Variants in CENPW observed in about 807,000 individuals in gnomAD.
CENPW encodes the protein cancer-up-regulated gene 2 protein.
In CENPW, 3 loss-of-function variants were observed where a neutral mutation model predicts 11.1. The ratio of observed to expected loss-of-function variants is 0.27; its 90% CI spans 0.12 to 0.70. The LOEUF is 0.70. Among genes scored for constraint, CENPW ranks in the 30% least tolerant of loss-of-function variants. The probability of loss-of-function intolerance (pLI) is 0.77; values close to 1 mark genes in which losing one functional copy is unlikely to be tolerated. For missense variants in CENPW, 100 were observed against 105.6 expected (o/e 0.95, Z 0.23); for synonymous variants, 38 against 42.0 (o/e 0.91, Z 0.37).
At chr6:126,468,602 A>T in the CENPW span, among the ~76,000 whole-genome samples, 1 of 151,990 alleles carries the variant, frequency 6.6e-6, no homozygotes, top group African/African-American at 2.4e-5. Context: ...TAAAAATACC[A>T]AACTAATGTA....
the CENPW span, among the ~76,000 whole-genome samples, chr6:126,366,595 TATATATC>T: frequency 5.9e-5 from 9 of 152,318 alleles, no homozygotes; most frequent in South Asian, 4.1e-4. Flanking sequence ...AATTTTAAAA[TATATATC>T]ATATACTCAA....
Position 126,348,622 on chromosome 6 carries a change from A to AT in CENPW, c.*138dup. ...GGCTATAAGTGATGTGTGTGTTTGT[A>AT]TTTTTTTTCTGGCATGAAATATCTC... On this transcript the variant is annotated 3_prime_UTR_variant, in exon 3 of 3. Transcript: ENST00000368328. 48 of 577,226 alleles carry AT rather than the reference A, an allele frequency of 8.3e-5. No homozygotes were observed. The highest frequency in any genetic ancestry group is 1.4e-4 in the South Asian group (6 of 42,526). 35.8% of individuals were successfully genotyped at this position (577,226 alleles called of 1,614,324 possible). A position where few individuals can be genotyped will look rare whatever the true frequency, so the allele number is the denominator to read the frequency against.
At chr6:126,437,584 G>A in the CENPW span, among the ~76,000 whole-genome samples, 1 of 152,024 alleles carries the variant, frequency 6.6e-6, no homozygotes, top group Non-Finnish European at 1.5e-5. Flanking sequence ...ATGGAAATAA[G>A]TTTATATACT....
chr6:126,403,233 T>G, the CENPW span, among the ~76,000 whole-genome samples: 1 of 152,140 alleles, frequency 6.6e-6, no homozygotes, highest in African/African-American at 2.4e-5. Flanking sequence ...TTAATAACTT[T>G]TCAGTGGGCT....
At chr6:126,386,828 T>C in the CENPW span, among the ~76,000 whole-genome samples, 11 of 151,986 alleles carry the variant, frequency 7.2e-5, no homozygotes, top group African/African-American at 2.7e-4. Context: ...ATATATTTTA[T>C]CTTGATAAGT....
downstream of CENPW, among the ~76,000 whole-genome samples, chr6:126,352,190 G>T (rs1409728736): frequency 6.6e-6 from 1 of 152,078 alleles, no homozygotes; most frequent in Non-Finnish European, 1.5e-5. Flanking sequence ...CTTATCTGTG[G>T]CTGTTTTCTT....
the CENPW span, among the ~76,000 whole-genome samples, chr6:126,411,189 G>A: frequency 7.2e-5 from 11 of 152,178 alleles, no homozygotes; most frequent in Non-Finnish European, 1.0e-4. Context: ...GGAGGGGTAT[G>A]GGGACTCTGT....
the CENPW span, among the ~76,000 whole-genome samples, chr6:126,359,841 G>C: frequency 9.2e-5 from 14 of 151,464 alleles, no homozygotes; most frequent in African/African-American, 3.4e-4. Flanking sequence ...TGTGAGATGG[G>C]CCTCTTGAAG....
At chr6:126,342,427 CTG>C (rs898476849) in intron 1 of CENPW, among the ~76,000 whole-genome samples, 2 of 152,184 alleles carry the variant, frequency 1.3e-5, no homozygotes, top group African/African-American at 4.8e-5. Context: ...ACTCTTAACA[CTG>C]TTGTCTAGGA....
At chr6:126,363,055 G>A in the CENPW span, among the ~76,000 whole-genome samples, 4 of 152,136 alleles carry the variant, frequency 2.6e-5, no homozygotes, top group African/African-American at 9.7e-5. Flanking sequence ...ATTATTTGTG[G>A]ATTAACAGCC....
At chr6:126,383,430 C>T in the CENPW span, among the ~76,000 whole-genome samples, 3 of 152,044 alleles carry the variant, frequency 2.0e-5, no homozygotes, top group African/African-American at 7.2e-5. Flanking sequence ...CCAATACTAA[C>T]CTTGAGTATA....
chr6:126,349,226 A>G (rs779575835), downstream of CENPW, among the ~76,000 whole-genome samples: 1 of 152,154 alleles, frequency 6.6e-6, no homozygotes, highest in Non-Finnish European at 1.5e-5. Context: ...GATAGTACAG[A>G]GAAGTCCCAT....
chr6:126,439,325 A>G, the CENPW span, among the ~76,000 whole-genome samples: 1 of 151,676 alleles, frequency 6.6e-6, no homozygotes, highest in Non-Finnish European at 1.5e-5. Flanking sequence ...AGTTCATCGT[A>G]GGGATGAAAA....
the CENPW span, among the ~76,000 whole-genome samples, chr6:126,419,298 G>A: frequency 6.6e-6 from 1 of 151,946 alleles, no homozygotes; most frequent in Non-Finnish European, 1.5e-5. Context: ...TCTACCAAAC[G>A]TTTCTTTTTT....
At chr6:126,459,075 A>G in the CENPW span, among the ~76,000 whole-genome samples, 2 of 150,232 alleles carry the variant, frequency 1.3e-5, no homozygotes, top group Admixed American at 6.7e-5. Context: ...TATCACATTT[A>G]TAAATAGTCT....
At chr6:126,466,015 G>A in the CENPW span, among the ~76,000 whole-genome samples, 1 of 152,098 alleles carries the variant, frequency 6.6e-6, no homozygotes, top group Non-Finnish European at 1.5e-5. Context: ...GTTCTAGGAT[G>A]TATAGTGGAA....
At chr6:126,408,809 G>A in the CENPW span, among the ~76,000 whole-genome samples, 2 of 151,988 alleles carry the variant, frequency 1.3e-5, no homozygotes, top group Admixed American at 6.6e-5. Flanking sequence ...TATTTCTGTG[G>A]TATCAATTAT....
the CENPW span, among the ~76,000 whole-genome samples, chr6:126,467,615 T>C: frequency 6.6e-6 from 1 of 152,120 alleles, no homozygotes; most frequent in Non-Finnish European, 1.5e-5. Flanking sequence ...CATGAGTCTA[T>C]ACTGATATAA....
At chr6:126,375,147 A>G in the CENPW span, among the ~76,000 whole-genome samples, 1 of 152,220 alleles carries the variant, frequency 6.6e-6, no homozygotes, top group Non-Finnish European at 1.5e-5. Context: ...GCCAGCTTTG[A>G]GATGATCTGA....
Sources: allele counts gnomAD v4.1 joint callset (sites outside exome capture counted in the v4.1 genomes callset), GRCh38; gene constraint gnomAD v4.1.1; transcripts MANE v1.5; gene names NCBI Gene and HGNC (gene_info 2026-07-23, HGNC 2026-07-21).